LSM4: variants seen among roughly 807,000 people sequenced by gnomAD.
LSM4 encodes the protein LSM4 homolog, U6 small nuclear RNA and mRNA degradation associated.
LSM4 carries 15 observed loss-of-function variants against 22.3 expected under a neutral mutation model. The ratio of observed to expected loss-of-function variants is 0.67; its 90% CI spans 0.45 to 1.03. LSM4 has a LOEUF of 1.03. Among genes scored for constraint, LSM4 ranks in the 50% least tolerant of loss-of-function variants. The probability of loss-of-function intolerance (pLI) is 0.00; values close to 1 mark genes in which losing one functional copy is unlikely to be tolerated. For synonymous variants in LSM4, 90 were observed against 79.8 expected (o/e 1.13, Z -0.68); for missense variants, 127 against 198.0 (o/e 0.64, Z 2.15).
At chr19:18,309,300 G>C (rs182066880) in intron 4 of LSM4, 65 of 223,598 alleles carry the variant, frequency 2.9e-4, no homozygotes, top group African/African-American at 1.5e-3. Flanking sequence ...CTAACAAATG[G>C]AATTTTATGC....
intron 3 of LSM4, chr19:18,310,135 C>T (rs934443351): frequency 3.9e-5 from 18 of 463,388 alleles, no homozygotes; most frequent in Non-Finnish European, 5.3e-5. Flanking sequence ...CTATCCTCTG[C>T]CCGTGGGCCT....
intron 1 of LSM4, among the ~76,000 whole-genome samples, chr19:18,317,780 C>G (rs1970374779): frequency 6.6e-6 from 1 of 152,096 alleles, no homozygotes; most frequent in Non-Finnish European, 1.5e-5. Context: ...ATCCTCCCAT[C>G]TCAAGCTCCC....
At chr19:18,310,182 G>T (rs748538943) in intron 3 of LSM4, 11 of 361,912 alleles carry the variant, frequency 3.0e-5, no homozygotes, top group African/African-American at 4.3e-5. Context: ...CCTCCAGCCT[G>T]GGATGGGGCT....
At chr19:18,310,098 T>C (rs915928589) in intron 3 of LSM4, 14 of 535,010 alleles carry the variant, frequency 2.6e-5, no homozygotes, top group Non-Finnish European at 3.3e-5. Flanking sequence ...GCAGCCCCCA[T>C]TGTGCACTCA....
At chr19:18,315,155 G>A (rs1465860388) in intron 2 of LSM4, among the ~76,000 whole-genome samples, 1 of 152,116 alleles carries the variant, frequency 6.6e-6, no homozygotes, top group Non-Finnish European at 1.5e-5. Context: ...GGGATTACAG[G>A]CATAGAGCCA....
At position 18,307,525 on chromosome 19, in the gene LSM4, A is replaced by C. The variant is rs557491360; in HGVS notation, c.359T>G (p.Ile120Ser). The C allele has an allele frequency of 6.4e-7, 1 of 1,552,746 alleles. No homozygotes were observed. Among genetic ancestry groups the C allele is most frequent in the Non-Finnish European group, 8.7e-7 (1 of 1,149,078 alleles). The change falls in exon 5 of 5, where the codon ATC becomes AGC. Residue 120 changes from isoleucine (I) to serine (S), a missense_variant. Coordinates refer to ENST00000593829, the MANE Select transcript of LSM4 (RefSeq NM_012321.5). Reference sequence around the variant, plus strand: ...TGGCTGGCCTCTGCCTGTGCCCGGGATCCCACCTCGGCCCCGGCCACCAAA... The same window carrying C: ...TGGCTGGCCTCTGCCTGTGCCCGGGCTCCCACCTCGGCCCCGGCCACCAAA... Reference protein sequence around the residue: ...GVFGGRGRGGIPGTGRGQPEK... With the variant: ...GVFGGRGRGGSPGTGRGQPEK...
At chr19:18,312,919 G>A (rs1270935498) in intron 2 of LSM4, among the ~76,000 whole-genome samples, 4 of 152,190 alleles carry the variant, frequency 2.6e-5, no homozygotes, top group Non-Finnish European at 5.9e-5. Context: ...CAACCTTTGT[G>A]CAATTAAAAA....
chr19:18,317,269 G>C (rs1052103811), intron 1 of LSM4, among the ~76,000 whole-genome samples: 1 of 151,316 alleles, frequency 6.6e-6, no homozygotes, highest in African/African-American at 2.4e-5. Context: ...TGATCTGCTT[G>C]CCTGGTCCTC....
chr19:18,309,534 G>A (rs1016173779), intron 4 of LSM4, 144 bp downstream of exon 4: 15 of 869,136 alleles, frequency 1.7e-5, no homozygotes, highest in Middle Eastern at 3.6e-4. Context: ...CCTGGGCCTC[G>A]GCTCATGGCC....
At chr19:18,309,986 A>G (rs1002263535) in intron 3 of LSM4, 125 bp from the exon 4 acceptor site, 1 of 889,342 alleles carries the variant, frequency 1.1e-6, no homozygotes, top group African/African-American at 1.7e-5. Context: ...GCTGCACAGT[A>G]TCAGTCCCGG....
intron 2 of LSM4, among the ~76,000 whole-genome samples, chr19:18,314,238 C>A (rs1283139851): frequency 6.6e-6 from 1 of 151,916 alleles, no homozygotes; most frequent in African/African-American, 2.4e-5. Context: ...AACACATAAA[C>A]AAAATGTAGG....
At chr19:18,318,359 A>G (rs1340839749) in intron 1 of LSM4, among the ~76,000 whole-genome samples, 1 of 152,220 alleles carries the variant, frequency 6.6e-6, no homozygotes, top group Non-Finnish European at 1.5e-5. Flanking sequence ...GCAGGAAGCC[A>G]GGCCCAAGCC....
intron 4 of LSM4, among the ~76,000 whole-genome samples, chr19:18,308,683 G>A (rs1025148858): frequency 1.3e-5 from 2 of 152,182 alleles, no homozygotes; most frequent in East Asian, 1.9e-4. Context: ...CCTCAACCCC[G>A]TGAAGGTGGG....
chr19:18,312,578 C>T, intron 3 of LSM4, 26 bp downstream of exon 3: 2 of 1,597,422 alleles, frequency 1.3e-6, no homozygotes, highest in Non-Finnish European at 1.7e-6. Context: ...CTGCATCCCA[C>T]CCCCGTTGGT....
At chr19:18,310,186 T>A in intron 3 of LSM4, 1 of 355,238 alleles carries the variant, frequency 2.8e-6, no homozygotes, top group South Asian at 4.1e-5. Context: ...CAGCCTGGGA[T>A]GGGGCTCTCT....
At chr19:18,309,968 C>T in intron 3 of LSM4, 107 bp from the exon 4 acceptor site, 3 of 1,045,348 alleles carry the variant, frequency 2.9e-6, no homozygotes, top group Non-Finnish European at 4.2e-6. Context: ...CCCGTACCAC[C>T]CCTGCAAGCT....
At chr19:18,314,687 G>C (rs1325039681) in intron 2 of LSM4, among the ~76,000 whole-genome samples, 1 of 152,076 alleles carries the variant, frequency 6.6e-6, no homozygotes, top group African/African-American at 2.4e-5. Flanking sequence ...GAAATATCCG[G>C]AATAGGCAAC....
Position 18,323,009 on chromosome 19 carries a change from T to G in LSM4, c.3+9A>C, listed in dbSNP as rs750117754. The G allele has an allele frequency of 6.3e-7, 1 of 1,584,338 alleles. No individual in the cohort carries two copies. Among genetic ancestry groups the G allele is most frequent in the Admixed American group, 1.7e-5 (1 of 57,838 alleles). ...TCCCGGTGAGACCCCGCAGTTGCCC[T>G]GCCCTCACCATGGTGCCGGCGGGGA... On this transcript the variant is annotated intron_variant, in intron 1 of 4. Coordinates refer to ENST00000593829, the MANE Select transcript of LSM4 (RefSeq NM_012321.5).
chr19:18,315,965 C>G, intron 2 of LSM4, 59 bp downstream of exon 2: 2 of 1,554,376 alleles, frequency 1.3e-6, no homozygotes, highest in Non-Finnish European at 1.8e-6. Context: ...TCAGCCACCG[C>G]CCCTGTGCTG....
Sources: allele counts gnomAD v4.1 joint callset (sites outside exome capture counted in the v4.1 genomes callset), GRCh38; gene constraint gnomAD v4.1.1; transcripts MANE v1.5; gene names NCBI Gene and HGNC (gene_info 2026-07-23, HGNC 2026-07-21).